The following TRIM32 variants were observed in gnomAD, a reference collection of about 807,000 sequenced individuals.
The protein encoded by TRIM32 is E3 ubiquitin-protein ligase TRIM32.
In TRIM32, 19 loss-of-function variants were observed where a neutral mutation model predicts 36.0. That is an observed-to-expected ratio of 0.53 (90% CI 0.37 to 0.77). The LOEUF (loss-of-function observed/expected upper bound fraction) is 0.77. TRIM32 is among the 30% of genes least tolerant of loss of function. TRIM32 has a pLI of 0.00. For missense variants in TRIM32, 747 were observed against 845.2 expected (o/e 0.88, Z 1.44); for synonymous variants, 309 against 318.5 (o/e 0.97, Z 0.32).
Position 116,697,707 on chromosome 9 carries a change from T to C in TRIM32, c.-36T>C. ...GCATGAATACTGTGCTGTTCAGTTC[T>C]GAGCTGTGCTAGCAATACCCTTCAA... On this transcript the variant is annotated 5_prime_UTR_variant, in exon 2 of 2. Coordinates refer to ENST00000450136, the MANE Select transcript of TRIM32 (RefSeq NM_012210.4). 6.2e-7 allele frequency: 1 copy of C among 1,612,662 alleles called. No individual in the cohort carries two copies. The highest frequency in any genetic ancestry group is 8.5e-7 in the Non-Finnish European group (1 of 1,179,960).
chr9:116,692,532 T>C (rs1047845180), intron 1 of TRIM32, among the ~76,000 whole-genome samples: 2 of 152,196 alleles, frequency 1.3e-5, no homozygotes, highest in Non-Finnish European at 2.9e-5. Context: ...TAAAGTCCCT[T>C]TCCATAGATA....
rs1228863277 is a variant in TRIM32, at chr9:116,700,535, C to T, written c.*831C>T. On this transcript the variant is annotated 3_prime_UTR_variant, in exon 2 of 2. Coordinates refer to ENST00000450136, the MANE Select transcript of TRIM32 (RefSeq NM_012210.4). The stretch of plus-strand genomic sequence containing the variant: ...CTAGGGCTCATCATTTTTCATACTA[C>T]CTCTCTCTTCTGGCCTGTGTCTAAG... 6.0e-6 allele frequency: 1 copy of T among 167,124 alleles called. No homozygotes were observed. The highest frequency in any genetic ancestry group is 1.9e-4 in the East Asian group (1 of 5,204). 10.4% of individuals were successfully genotyped at this position (167,124 alleles called of 1,614,324 possible).
rs1050172466 is a variant in TRIM32 at position 116,687,356 on chromosome 9, G to T, written c.-107G>T. 1.4e-5 allele frequency: 10 copies of T among 690,300 alleles called. No homozygotes were observed. Among genetic ancestry groups the T allele is most frequent in the Non-Finnish European group, 1.8e-5 (10 of 561,992 alleles). The allele number at this position is 690,300 out of a possible 1,614,324, so 42.8% of individuals were successfully genotyped here. A position where few individuals can be genotyped will look rare whatever the true frequency, so the allele number is the denominator to read the frequency against. On this transcript the variant is annotated 5_prime_UTR_variant, in exon 1 of 2. Coordinates refer to ENST00000450136, the MANE Select transcript of TRIM32 (RefSeq NM_012210.4). ...GCAGGCGGGTGGGCTGCCGGCGGTG[G>T]ACTCGTCGGAGCCGCGGGCGGTCAG...
At chr9:116,691,766 G>A (rs1374831266) in intron 1 of TRIM32, among the ~76,000 whole-genome samples, 3 of 152,186 alleles carry the variant, frequency 2.0e-5, no homozygotes, top group African/African-American at 7.2e-5. Context: ...ATTCGTTAAA[G>A]TCAGTCCTGC....
At chr9:116,689,341 ATTG>A (rs1860446723) in intron 1 of TRIM32, among the ~76,000 whole-genome samples, 2 of 152,196 alleles carry the variant, frequency 1.3e-5, no homozygotes, top group African/African-American at 4.8e-5. Context: ...ATGTCACAGA[ATTG>A]TTGTGAGGAT....
chr9:116,699,365 G>A lies in TRIM32; in HGVS notation c.1623G>A (p.Gln541=), dbSNP rs201083322. The part of the protein sequence containing the change: ...QGLGLNLENR[Q]NEHHLEGGFS... ...TAGGCCTCAATCTGGAGAATCGGCA[G>A]AATGAGCACCACCTGGAGGGTGGCT... The change falls in exon 2 of 2, where the codon CAG becomes CAA. Residue 541 remains glutamine (Q), a synonymous_variant. Coordinates refer to ENST00000450136, the MANE Select transcript of TRIM32 (RefSeq NM_012210.4). This position sits in a 1 kb window ranked among gnomAD's most constrained non-coding sequence, Gnocchi z 4.2. 166 of 1,614,096 alleles carry A rather than the reference G, an allele frequency of 1.0e-4. No homozygotes were observed. Among genetic ancestry groups the A allele is most frequent in the Non-Finnish European group, 1.3e-4 (158 of 1,180,046 alleles).
chr9:116,700,072 C>T lies in TRIM32; in HGVS notation c.*368C>T, dbSNP rs968677643. The T allele has an allele frequency of 6.3e-6, 2 of 318,056 alleles. No homozygotes were observed. Among genetic ancestry groups the T allele is most frequent in the South Asian group, 4.0e-5 (1 of 25,044 alleles). 19.7% of individuals were successfully genotyped at this position (318,056 alleles called of 1,614,324 possible). ...ATTTTTTCCCATTTGGCTTTGATGC[C>T]CTTGATCCATTGTTTCCTTCCTACT... On this transcript the variant is annotated 3_prime_UTR_variant, in exon 2 of 2. Coordinates refer to ENST00000450136, the MANE Select transcript of TRIM32 (RefSeq NM_012210.4).
At position 116,698,162 on chromosome 9, in the gene TRIM32, A is replaced by C; in HGVS notation, c.420A>C (p.Glu140Asp). 1 of 1,614,164 alleles carries C rather than the reference A, an allele frequency of 6.2e-7. No individual in the cohort carries two copies. The highest frequency in any genetic ancestry group is 8.5e-7 in the Non-Finnish European group (1 of 1,180,044). Residue 140 changes from glutamate (E) to aspartate (D), a missense_variant, in exon 2 of 2, where the codon GAA becomes GAC. By Grantham distance (45) the Glu-to-Asp change is conservative. Transcript: ENST00000450136. This position sits in a 1 kb window ranked among gnomAD's most constrained non-coding sequence, Gnocchi z 4.4. Reference protein sequence around the residue: ...PPGHCTLPVKEAAEERRRDFG... With the variant: ...PPGHCTLPVKDAAEERRRDFG... ...GCCACTGTACACTCCCTGTCAAAGA[A>C]GCAGCTGAGGAGCGGCGTCGGGACT...
chr9:116,688,616 T>C (rs2132043986), intron 1 of TRIM32, among the ~76,000 whole-genome samples: 1 of 151,700 alleles, frequency 6.6e-6, no homozygotes, highest in African/African-American at 2.4e-5. Flanking sequence ...GTATTGCCAC[T>C]AACTCCATTC....
chr9:116,697,906 G>A lies in TRIM32; in HGVS notation c.164G>A (p.Ser55Asn). 6.2e-7 allele frequency: 1 copy of A among 1,614,242 alleles called. No individual in the cohort carries two copies. The highest frequency in any genetic ancestry group is 8.5e-7 in the Non-Finnish European group (1 of 1,180,056). ...TGCCTGGAGAAGCTATTGGCCAGTA[G>A]CATCAATGGTGTCCGCTGTCCCTTT... ...RQCLEKLLAS[S>N]INGVRCPFCS... Residue 55 changes from serine (S) to asparagine (N), a missense_variant, in exon 2 of 2, where the codon AGC (serine) becomes AAC (asparagine). Coordinates refer to ENST00000450136, the MANE Select transcript of TRIM32 (RefSeq NM_012210.4).
At position 116,699,719 on chromosome 9, in the gene TRIM32, T is replaced by A; in HGVS notation, c.*15T>A. On this transcript the variant is annotated 3_prime_UTR_variant, in exon 2 of 2. Transcript: ENST00000450136. The surrounding 1 kb of genome is among the most constrained non-coding windows in gnomAD (Gnocchi z 4.2). ...CCACCCCATAGGGGATGAGAAATTATCAGTTTCTTCTGCTCCCAAGCCAAC... is the reference window on the plus strand; with the variant it reads ...CCACCCCATAGGGGATGAGAAATTAACAGTTTCTTCTGCTCCCAAGCCAAC... 6.2e-7 allele frequency: 1 copy of A among 1,614,194 alleles called. No individual in the cohort carries two copies. The highest frequency in any genetic ancestry group is 8.5e-7 in the Non-Finnish European group (1 of 1,180,028).
rs570787290 is a variant in TRIM32 at position 116,691,129 on chromosome 9, A to G, written c.-82+3748A>G. Among the ~76,000 whole-genome samples the G allele has an allele frequency of 3.9e-5, 6 of 152,280 alleles. 1 individual carries two copies. In the South Asian group the frequency reaches 1.2e-3, roughly 32 times the overall value. On this transcript the variant is annotated intron_variant, in intron 1 of 1. Coordinates refer to ENST00000450136, the MANE Select transcript of TRIM32 (RefSeq NM_012210.4). The stretch of plus-strand genomic sequence containing the variant: ...GAGATGGTGTTTCACTCTGTTGCTC[A>G]GGCTCTTTGCCAGATTTTGATAACC...
At chr9:116,697,509 C>T (rs1343393001) in intron 1 of TRIM32, 153 bp from the exon 2 acceptor site, 8 of 544,582 alleles carry the variant, frequency 1.5e-5, no homozygotes, top group Admixed American at 6.2e-5. Flanking sequence ...CCCTATCTGT[C>T]ACCCTCACGT....
Position 116,698,113 on chromosome 9 carries a change from G to A in TRIM32, c.371G>A (p.Arg124Gln), listed in dbSNP as rs750797541. Residue 124 changes from arginine to glutamine, a missense_variant, in exon 2 of 2, where the codon CGG becomes CAG. Transcript: ENST00000450136. This position sits in a 1 kb window ranked among gnomAD's most constrained non-coding sequence, Gnocchi z 4.4. ...SCGLVLCEPC[R>Q]EADHQPPGHC... ...GGTTTGGTGTTATGTGAGCCCTGCC[G>A]GGAGGCAGACCATCAGCCTCCTGGC... is the stretch of plus-strand genomic sequence containing the variant. 13 of 1,613,980 alleles carry A rather than the reference G, an allele frequency of 8.1e-6. No homozygotes were observed. Among genetic ancestry groups the A allele is most frequent in the South Asian group, 4.4e-5 (4 of 91,084 alleles).
chr9:116,696,272 G>T (rs1263257827), intron 1 of TRIM32, among the ~76,000 whole-genome samples: 1 of 151,998 alleles, frequency 6.6e-6, no homozygotes, highest in African/African-American at 2.4e-5. Context: ...TTAATCTAAG[G>T]ATAATAAAAA....
intron 1 of TRIM32, among the ~76,000 whole-genome samples, chr9:116,691,444 C>T (rs1351775475): frequency 6.6e-6 from 1 of 152,142 alleles, no homozygotes; most frequent in African/African-American, 2.4e-5. Context: ...TAGAGGAAGA[C>T]AGAGACAACA....
At chr9:116,692,196 T>G (rs1860604406) in intron 1 of TRIM32, among the ~76,000 whole-genome samples, 1 of 152,204 alleles carries the variant, frequency 6.6e-6, no homozygotes, top group Non-Finnish European at 1.5e-5. Flanking sequence ...TGGTGGCAAT[T>G]CAAGCATTAG....
At position 116,700,076 on chromosome 9, in the gene TRIM32, G is replaced by T. The variant is rs187467050; in HGVS notation, c.*372G>T. 1.3e-5 allele frequency: 4 copies of T among 315,896 alleles called. No individual in the cohort carries two copies. In the Admixed American group the frequency reaches 1.9e-4, roughly 15 times the overall value. 19.6% of individuals were successfully genotyped at this position (315,896 alleles called of 1,614,324 possible). ...TTTCCCATTTGGCTTTGATGCCCTT[G>T]ATCCATTGTTTCCTTCCTACTATAA... On this transcript the variant is annotated 3_prime_UTR_variant, in exon 2 of 2. Transcript: ENST00000450136.
rs778428905 is a variant in TRIM32 at position 116,698,665 on chromosome 9, C to T, written c.923C>T (p.Ala308Val). The change falls in exon 2 of 2, where the codon GCC (alanine) becomes GTC (valine). Residue 308 changes from alanine to valine, a missense_variant. Transcript: ENST00000450136. The surrounding 1 kb of genome is among the most constrained non-coding windows in gnomAD (Gnocchi z 4.4). ...PRTVNVEDSWAMEATASAAST... is the reference protein window; with the variant it reads ...PRTVNVEDSWVMEATASAAST... The stretch of plus-strand genomic sequence containing the variant: ...ACAGTTAACGTGGAAGATTCCTGGG[C>T]CATGGAGGCCACAGCGTCTGCTGCC... The T allele has an allele frequency of 2.5e-6, 4 of 1,614,148 alleles. No individual in the cohort carries two copies. Among genetic ancestry groups the T allele is most frequent in the Admixed American group, 1.7e-5 (1 of 60,020 alleles).
Sources: allele counts gnomAD v4.1 joint callset (sites outside exome capture counted in the v4.1 genomes callset), GRCh38; gene constraint gnomAD v4.1.1; non-coding constraint Gnocchi (gnomAD v3.1); transcripts MANE v1.5; gene names NCBI Gene and HGNC (gene_info 2026-07-23, HGNC 2026-07-21).